LONRF1: variants seen among roughly 807,000 people sequenced by gnomAD.
LONRF1 encodes LON peptidase N-terminal domain and ring finger 1.
A neutral mutation model predicts 85.8 loss-of-function variants in LONRF1; 37 were observed. That is an observed-to-expected ratio of 0.43 (90% CI 0.33 to 0.57). The LOEUF (loss-of-function observed/expected upper bound fraction) is 0.57, where lower values mean the gene tolerates loss of function less well. Ranked by LOEUF, LONRF1 falls within the 20% of genes least tolerant of loss-of-function variation. The probability of loss-of-function intolerance (pLI) is 0.04; values close to 1 mark genes in which losing one functional copy is unlikely to be tolerated. For synonymous variants in LONRF1, 517 were observed against 390.1 expected (o/e 1.33, Z -3.83); for missense variants, 1,036 against 978.0 (o/e 1.06, Z -0.79).
Position 12,747,094 on chromosome 8 carries a change from A to C in LONRF1, c.722-3812T>G, listed in dbSNP as rs368415589. 1.4e-4 allele frequency among the ~76,000 whole-genome samples: 21 copies of C among 152,338 alleles called. No homozygotes were observed. In the East Asian group the frequency reaches 2.9e-3, roughly 21 times the overall value. ...GATAAATGTTTCCTGAATTAGAAAA[A>C]ATTCATTAAAATTTGATTCCTTAAG... On this transcript the variant is annotated intron_variant, in intron 1 of 11. Coordinates refer to ENST00000398246, the MANE Select transcript of LONRF1 (RefSeq NM_152271.5).
At chr8:12,741,991 T>C (rs1798950500) in intron 2 of LONRF1, among the ~76,000 whole-genome samples, 1 of 152,208 alleles carries the variant, frequency 6.6e-6, no homozygotes, top group South Asian at 2.1e-4. Context: ...ATGAAACAGA[T>C]TCTTAGTATT....
chr8:12,751,745 T>G (rs970495557), intron 1 of LONRF1, among the ~76,000 whole-genome samples: 7 of 151,548 alleles, frequency 4.6e-5, no homozygotes, highest in African/African-American at 1.7e-4. Context: ...GTTGTCTTCC[T>G]CTGGGGGAGA....
At chr8:12,724,756 G>A (rs1000305558) in intron 11 of LONRF1, among the ~76,000 whole-genome samples, 1 of 152,202 alleles carries the variant, frequency 6.6e-6, no homozygotes, top group Non-Finnish European at 1.5e-5. Flanking sequence ...TTTCTGTGAT[G>A]TTTAATCAGA....
At chr8:12,738,943 T>C (rs952349068) in intron 3 of LONRF1, among the ~76,000 whole-genome samples, 1 of 152,052 alleles carries the variant, frequency 6.6e-6, no homozygotes, top group African/African-American at 2.4e-5. Context: ...AAAATCAAAA[T>C]AAATCACAAA....
At chr8:12,739,118 T>C (rs1474537740) in intron 3 of LONRF1, among the ~76,000 whole-genome samples, 1 of 151,986 alleles carries the variant, frequency 6.6e-6, no homozygotes, top group Non-Finnish European at 1.5e-5. Context: ...ACCCAGCAAT[T>C]CCACTGCTAA....
chr8:12,753,659 G>A (rs1174683510), intron 1 of LONRF1: 1 of 152,122 alleles, frequency 6.6e-6, no homozygotes, highest in South Asian at 2.1e-4. Context: ...AAATCCCCCT[G>A]GTAGAGAACT....
At chr8:12,750,652 T>C (rs1226425477) in intron 1 of LONRF1, among the ~76,000 whole-genome samples, 3 of 152,242 alleles carry the variant, frequency 2.0e-5, no homozygotes, top group Non-Finnish European at 2.9e-5. Context: ...ATAAAAACCC[T>C]CTACATTTTC....
In LONRF1 at chr8:12,723,048, C is replaced by T. The variant is rs372985198; in HGVS notation, c.*48G>A. On this transcript the variant is annotated 3_prime_UTR_variant, in exon 12 of 12. Coordinates refer to ENST00000398246, the MANE Select transcript of LONRF1 (RefSeq NM_152271.5). ...CAAAGGCAGCAGACAATCTGGCCAT[C>T]AATGCAGCCAGATTAGGGTCACTTT... is the stretch of plus-strand genomic sequence containing the variant. 2.0e-6 allele frequency: 3 copies of T among 1,485,820 alleles called. No individual in the cohort carries two copies. Among genetic ancestry groups the T allele is most frequent in the Non-Finnish European group, 2.7e-6 (3 of 1,104,228 alleles). The allele number at this position is 1,485,820 out of a possible 1,614,324, so 92.0% of individuals were successfully genotyped here. A position where few individuals can be genotyped will look rare whatever the true frequency, so the allele number is the denominator to read the frequency against.
chr8:12,742,851 G>C (rs745347343), intron 2 of LONRF1, among the ~76,000 whole-genome samples: 1 of 151,926 alleles, frequency 6.6e-6, no homozygotes, highest in Non-Finnish European at 1.5e-5. Context: ...TCAGCCTCTC[G>C]AGTAGTTGGG....
intron 2 of LONRF1, 100 bp from the exon 3 acceptor site, chr8:12,741,096 A>G: frequency 7.1e-7 from 1 of 1,407,680 alleles, no homozygotes; most frequent in Non-Finnish European, 9.7e-7. Flanking sequence ...AGCAGTGCCG[A>G]TTCTGGGCCG....
chr8:12,727,723 A>C (rs1224601874), intron 10 of LONRF1, among the ~76,000 whole-genome samples: 1 of 152,236 alleles, frequency 6.6e-6, no homozygotes, highest in African/African-American at 2.4e-5. Flanking sequence ...TTAGCAAGTG[A>C]TTCCATTAAC....
At position 12,729,172 on chromosome 8, in the gene LONRF1, A is replaced by G; in HGVS notation, c.1847+2T>C. The stretch of plus-strand genomic sequence containing the variant: ...AAATATTTAGGTTCACAAAAAGCAT[A>G]CCTATTTTGTGTATCACTGACACAC... On this transcript the variant is annotated splice_donor_variant, in intron 9 of 11. Transcript: ENST00000398246. LOFTEE classifies it high-confidence loss of function. 6.2e-7 allele frequency: 1 copy of G among 1,613,812 alleles called. No individual in the cohort carries two copies.
intron 1 of LONRF1, among the ~76,000 whole-genome samples, chr8:12,747,468 A>G (rs1190711895): frequency 6.6e-6 from 1 of 152,242 alleles, no homozygotes; most frequent in African/African-American, 2.4e-5. Flanking sequence ...TACCCATCAC[A>G]AAGAAATAGC....
At chr8:12,743,373 T>C in intron 1 of LONRF1, 91 bp from the exon 2 acceptor site, 4 of 841,588 alleles carry the variant, frequency 4.8e-6, no homozygotes, top group Non-Finnish European at 7.5e-6. Flanking sequence ...AGAAATGACT[T>C]AGTGATTCCA....
chr8:12,751,414 C>T (rs1393097808), intron 1 of LONRF1, among the ~76,000 whole-genome samples: 3 of 144,444 alleles, frequency 2.1e-5, no homozygotes, highest in Non-Finnish European at 4.5e-5. Flanking sequence ...TCAAGCAATT[C>T]TGCCTCAGCC....
At chr8:12,736,668 A>T (rs1282047658) in intron 6 of LONRF1, 33 bp downstream of exon 6, 1 of 1,403,986 alleles carries the variant, frequency 7.1e-7, no homozygotes, top group African/African-American at 1.4e-5. Flanking sequence ...CTAACATAAA[A>T]TATTCATCTT....
intron 1 of LONRF1, among the ~76,000 whole-genome samples, chr8:12,751,311 T>G (rs78151431): frequency 2.0e-3 from 38 of 19,438 alleles, no homozygotes; most frequent in Admixed American, 6.4e-3. Flanking sequence ...TTTTTTTTTT[T>G]TTTTTTTTTG....
chr8:12,738,344 G>A (rs531202655), intron 3 of LONRF1, among the ~76,000 whole-genome samples, 200 bp from the exon 4 acceptor site: 6 of 152,116 alleles, frequency 3.9e-5, no homozygotes, highest in South Asian at 4.1e-4. Context: ...CAAATCACCC[G>A]CAAACAAATG....
intron 11 of LONRF1, among the ~76,000 whole-genome samples, chr8:12,725,103 C>CAAGG (rs1798238345): frequency 6.6e-6 from 1 of 152,234 alleles, no homozygotes; most frequent in South Asian, 2.1e-4. Context: ...AGGAGCCAGA[C>CAAGG]CCTTCTTTTA....
Sources: gnomAD v4.1 joint callset for allele counts (sites outside exome capture counted in the v4.1 genomes callset) on GRCh38, gnomAD v4.1.1 for gene constraint, MANE v1.5 for transcripts, NCBI Gene and HGNC (gene_info 2026-07-23, HGNC 2026-07-21) for gene names.